The following CAND2 variants were observed in gnomAD, a reference collection of about 807,000 sequenced individuals.
CAND2 encodes the protein cullin-associated NEDD8-dissociated protein 2.
CAND2 carries 62 observed loss-of-function variants against 98.9 expected under a neutral mutation model. The ratio of observed to expected loss-of-function variants is 0.63; its 90% CI spans 0.51 to 0.77. CAND2 has a LOEUF of 0.77. Ranked by LOEUF, CAND2 falls within the 30% of genes least tolerant of loss-of-function variation. The pLI, the probability that CAND2 is intolerant of heterozygous loss-of-function variation, is 0.00. For synonymous variants in CAND2, 770 were observed against 731.9 expected, an observed-to-expected ratio of 1.05 and a Z score of -0.84; for missense variants, 1,501 against 1,655.2, an observed-to-expected ratio of 0.91 and a Z score of 1.62.
chr3:12,829,970 C>T (rs1329152867), intron 13 of CAND2, among the ~76,000 whole-genome samples: 1 of 152,250 alleles, frequency 6.6e-6, no homozygotes, highest in East Asian at 1.9e-4. Context: ...CTGTGAACAC[C>T]CTGGTGCATT....
rs202244584 is a variant in CAND2 at position 12,825,519 on chromosome 3, G to A, written c.3090G>A (p.Ala1030=). 918 of 1,594,606 alleles carry A rather than the reference G, an allele frequency of 5.8e-4. 1 individual carries two copies. The highest frequency in any genetic ancestry group is 7.7e-4 in the Admixed American group (44 of 56,874). The change falls in exon 12 of 15, where the codon GCG becomes GCA. Residue 1030 remains alanine, a synonymous_variant. Coordinates refer to ENST00000456430, the MANE Select transcript of CAND2 (RefSeq NM_001162499.2). ...LQDPDLNVRR[A]TLAFFNSAVH... is the part of the protein sequence containing the mutation. ...ACCCAGACCTGAACGTGCGCCGTGC[G>A]ACTCTGGCTTTCTTCAACTCAGCTG...
chr3:12,814,581 C>T (rs2061881126), intron 7 of CAND2, among the ~76,000 whole-genome samples: 1 of 152,148 alleles, frequency 6.6e-6, no homozygotes, highest in Non-Finnish European at 1.5e-5. Context: ...AATCAGGACC[C>T]TTGAGAGGCA....
intron 11 of CAND2, among the ~76,000 whole-genome samples, chr3:12,824,913 C>G (rs999249443): frequency 6.6e-6 from 1 of 151,948 alleles, no homozygotes; most frequent in African/African-American, 2.4e-5. Context: ...GTCTCAACAA[C>G]AAAACAAAAC....
At chr3:12,822,529 G>C (rs981238658) in intron 11 of CAND2, among the ~76,000 whole-genome samples, 2 of 151,960 alleles carry the variant, frequency 1.3e-5, no homozygotes, top group African/African-American at 4.8e-5. Context: ...GAACTCCTAG[G>C]CTTAAGTGAT....
At chr3:12,831,066 C>CCTTT (rs144339544) in intron 13 of CAND2, among the ~76,000 whole-genome samples, 24,973 of 150,988 alleles carry the variant, frequency 0.17, 2,540 homozygotes, top group African/African-American at 0.3. Context: ...AAAATCGAGA[C>CCTTT]TTTTTTTTTA....
intron 11 of CAND2, among the ~76,000 whole-genome samples, chr3:12,821,091 G>A (rs1440877453): frequency 4.6e-5 from 7 of 152,080 alleles, no homozygotes; most frequent in Non-Finnish European, 8.8e-5. Context: ...AAAATGAGCC[G>A]GGTATGATGG....
intron 11 of CAND2, among the ~76,000 whole-genome samples, chr3:12,822,395 C>T (rs1200504445): frequency 6.6e-6 from 1 of 150,412 alleles, no homozygotes; most frequent in East Asian, 1.9e-4. Context: ...CAGGCTCAAG[C>T]AATCCTCCCA....
Position 12,820,186 on chromosome 3 carries a change from G to A in CAND2, c.3040+5G>A. 1.2e-6 allele frequency: 2 copies of A among 1,609,834 alleles called. No homozygotes were observed. The highest frequency in any genetic ancestry group is 1.7e-6 in the Non-Finnish European group (2 of 1,176,232). ...CCCTCCTGAAGAGCTTCATCGGTGA[G>A]CACCTACCTCTTGCCCCTCCACCTT... On this transcript the variant is annotated splice_donor_5th_base_variant and intron_variant, in intron 11 of 14. Coordinates refer to ENST00000456430, the MANE Select transcript of CAND2 (RefSeq NM_001162499.2).
intron 2 of CAND2, 98 bp downstream of exon 2, chr3:12,803,729 G>A (rs950826293): frequency 1.8e-6 from 2 of 1,110,012 alleles, no homozygotes; most frequent in African/African-American, 3.2e-5. Flanking sequence ...TCGCAGAGGA[G>A]ACCTGCTGAG....
intron 7 of CAND2, among the ~76,000 whole-genome samples, chr3:12,814,401 C>T (rs553621629): frequency 4.7e-4 from 72 of 152,322 alleles, no homozygotes; most frequent in Non-Finnish European, 5.1e-4. Context: ...GAGAGTCTCA[C>T]CCGCTCTGAG....
At position 12,813,242 on chromosome 3, in the gene CAND2, A is replaced by C. The variant is rs1296219237; in HGVS notation, c.864-4A>C. ...AGCAAAGCATTCCTCATCCTGCCCC[A>C]CAGGTGCCCCAAGGAAATGGGTCCT... On this transcript the variant is annotated splice_polypyrimidine_tract_variant and splice_region_variant and intron_variant, in intron 6 of 14. Transcript: ENST00000456430. The C allele has an allele frequency of 6.2e-7, 1 of 1,612,722 alleles. No individual in the cohort carries two copies. Among genetic ancestry groups the C allele is most frequent in the Non-Finnish European group, 8.5e-7 (1 of 1,179,684 alleles).
Position 12,817,249 on chromosome 3 carries a change from G to A in CAND2, c.2317G>A (p.Asp773Asn), listed in dbSNP as rs1327590644. The A allele has an allele frequency of 1.1e-5, 17 of 1,613,814 alleles. No homozygotes were observed. The highest frequency in any genetic ancestry group is 1.4e-5 in the Non-Finnish European group (17 of 1,180,048). The change falls in exon 10 of 15, where the codon GAC becomes AAC. Residue 773 changes from aspartate to asparagine, a missense_variant. Asp to Asn is a conservative substitution (Grantham distance 23). Coordinates refer to ENST00000456430, the MANE Select transcript of CAND2 (RefSeq NM_001162499.2). Reference protein sequence around the residue: ...ALVGTRPPCVDYAKLISLLTA... With the variant: ...ALVGTRPPCVNYAKLISLLTA... ...GGTAGGGACCCGTCCCCCGTGTGTG[G>A]ACTATGCCAAACTCATCAGCCTGCT... is the stretch of plus-strand genomic sequence containing the variant.
intron 10 of CAND2, among the ~76,000 whole-genome samples, chr3:12,819,427 C>T (rs372313870): frequency 6.6e-6 from 1 of 152,328 alleles, no homozygotes; most frequent in East Asian, 1.9e-4. Context: ...GGTGGAGCGT[C>T]CACCCATTCG....
intron 2 of CAND2, among the ~76,000 whole-genome samples, chr3:12,805,896 T>TA (rs2061802825): frequency 6.6e-6 from 1 of 152,134 alleles, no homozygotes; most frequent in Admixed American, 6.5e-5. Flanking sequence ...AGGCCAGAAG[T>TA]ACTAACTCAA....
intron 5 of CAND2, among the ~76,000 whole-genome samples, chr3:12,812,119 A>G (rs1367115856): frequency 6.8e-6 from 1 of 146,842 alleles, no homozygotes; most frequent in Non-Finnish European, 1.5e-5. Flanking sequence ...ATGTTGGCCA[A>G]GCTGGTCTCG....
intron 1 of CAND2, among the ~76,000 whole-genome samples, chr3:12,803,099 C>A (rs1441510315): frequency 6.6e-6 from 1 of 150,618 alleles, no homozygotes; most frequent in Non-Finnish European, 1.5e-5. Flanking sequence ...ACGCCATTCT[C>A]CTGCTTCAGC....
intron 5 of CAND2, among the ~76,000 whole-genome samples, chr3:12,812,140 C>G (rs1013450749): frequency 3.3e-5 from 5 of 150,320 alleles, no homozygotes; most frequent in Non-Finnish European, 7.4e-5. Context: ...AACTCCTGAC[C>G]TCAGATGATC....
At position 12,825,557 on chromosome 3, in the gene CAND2, C is replaced by T. The variant is rs1400070495; in HGVS notation, c.3128C>T (p.Pro1043Leu). The part of the protein sequence containing the change: ...AFFNSAVHNK[P>L]SLVRDLLDDI... Reference sequence around the variant, plus strand: ...TTCAACTCAGCTGTGCACAACAAGCCCTCGCTAGTCCGGGACCTGCTGGAT... The same window carrying T: ...TTCAACTCAGCTGTGCACAACAAGCTCTCGCTAGTCCGGGACCTGCTGGAT... Residue 1043 changes from proline to leucine, a missense_variant, in exon 12 of 15, where the codon CCC becomes CTC. Around this residue, in one of 3 missense-constraint regions of CAND2, gnomAD observed 1,427 missense variants for 1,545.3 expected, o/e 0.92. Coordinates refer to ENST00000456430, the MANE Select transcript of CAND2 (RefSeq NM_001162499.2). 2 of 1,610,726 alleles carry T rather than the reference C, an allele frequency of 1.2e-6. No individual in the cohort carries two copies. Among genetic ancestry groups the T allele is most frequent in the Admixed American group, 1.7e-5 (1 of 59,588 alleles).
At position 12,815,170 on chromosome 3, in the gene CAND2, G is replaced by A. The variant is rs376394990; in HGVS notation, c.1036G>A (p.Asp346Asn). ...ESEDEYSDDD[D>N]MSWKVRRAAA... ...TGAAGACGAGTACAGCGATGACGATGACATGAGCTGGAAGGTGCGCCGGGC... is the reference window on the plus strand; with the variant it reads ...TGAAGACGAGTACAGCGATGACGATAACATGAGCTGGAAGGTGCGCCGGGC... Residue 346 changes from aspartate (D) to asparagine (N), a missense_variant, in exon 8 of 15, where the codon GAC becomes AAC. Transcript: ENST00000456430. The surrounding 1 kb of genome is among the most constrained non-coding windows in gnomAD (Gnocchi z 5.7). 55 of 1,612,680 alleles carry A rather than the reference G, an allele frequency of 3.4e-5. No homozygotes were observed. Among genetic ancestry groups the A allele is most frequent in the Admixed American group, 3.0e-4 (18 of 60,000 alleles).
Sources: gnomAD v4.1 joint callset for allele counts (sites outside exome capture counted in the v4.1 genomes callset) on GRCh38, gnomAD v4.1.1 for gene constraint, gnomAD v4.1.1 regional missense constraint, Gnocchi (gnomAD v3.1) non-coding constraint, MANE v1.5 for transcripts, NCBI Gene and HGNC (gene_info 2026-07-23, HGNC 2026-07-21) for gene names.